The following ALPK2 variants were observed in gnomAD, a reference collection of about 807,000 sequenced individuals.
ALPK2 encodes the protein alpha-protein kinase 2.
Under a neutral mutation model 163.1 loss-of-function variants are expected in ALPK2, and 127 were observed. The observed-to-expected ratio is 0.78, with a 90% CI of 0.67 to 0.90. ALPK2 has a LOEUF of 0.90. ALPK2 is among the 40% of genes least tolerant of loss of function. The pLI is 0.00. For missense variants in ALPK2, 2,360 were observed against 2,589.6 expected, an observed-to-expected ratio of 0.91 and a Z score of 1.92; for synonymous variants, 953 against 959.1, an observed-to-expected ratio of 0.99 and a Z score of 0.12.
intron 4 of ALPK2, among the ~76,000 whole-genome samples, chr18:58,556,365 C>T (rs1054089103): frequency 5.9e-5 from 9 of 152,188 alleles, no homozygotes; most frequent in Non-Finnish European, 1.3e-4. Flanking sequence ...TTAACCTCAT[C>T]GATAGAGACA....
intron 2 of ALPK2, among the ~76,000 whole-genome samples, chr18:58,610,885 A>G (rs531795644): frequency 2.0e-5 from 3 of 152,170 alleles, no homozygotes; most frequent in Non-Finnish European, 4.4e-5. Flanking sequence ...ACCTGAGGTC[A>G]GGAGTTCAAG....
At chr18:58,499,840 G>GA (rs1000623901) in intron 11 of ALPK2, among the ~76,000 whole-genome samples, 8 of 152,208 alleles carry the variant, frequency 5.3e-5, no homozygotes, top group Non-Finnish European at 1.2e-4. Flanking sequence ...GCTGTGGAAA[G>GA]AAAAAAACTC....
In ALPK2 at chr18:58,517,005, G is replaced by C. The variant is rs752104140; in HGVS notation, c.5843C>G (p.Pro1948Arg). 9.9e-6 allele frequency: 16 copies of C among 1,614,122 alleles called. No homozygotes were observed. Among genetic ancestry groups the C allele is most frequent in the African/African-American group, 1.3e-5 (1 of 74,954 alleles). ...VMHGLMPVFK[P>R]GHACVLKVHN... ...CACCTTAAGCACACAGGCATGGCCA[G>C]GTTTGAAGACAGGCATGAGGCCGTG... The change falls in exon 9 of 13, where the codon CCT becomes CGT. Residue 1948 changes from proline (P) to arginine (R), a missense_variant. By Grantham distance (103) the Pro-to-Arg change is moderately radical (BLOSUM62 -2). Transcript: ENST00000361673.
intron 1 of ALPK2, among the ~76,000 whole-genome samples, chr18:58,627,281 TA>T (rs1030854287): frequency 6.6e-6 from 1 of 152,164 alleles, no homozygotes; most frequent in African/African-American, 2.4e-5. Flanking sequence ...CTGCCCTACC[TA>T]AAAGCTTCCC....
At chr18:58,621,872 T>A (rs1305977575) in intron 1 of ALPK2, among the ~76,000 whole-genome samples, 1 of 152,148 alleles carries the variant, frequency 6.6e-6, no homozygotes, top group Non-Finnish European at 1.5e-5. Context: ...GGGTGCACAA[T>A]TTGTCACACA....
chr18:58,488,259 T>C (rs1426821188), intron 12 of ALPK2, among the ~76,000 whole-genome samples: 1 of 146,508 alleles, frequency 6.8e-6, no homozygotes, highest in Non-Finnish European at 1.5e-5. Context: ...GGAGGCTGTT[T>C]CCACAGTCCT....
Position 58,536,087 on chromosome 18 carries a change from T to C in ALPK2, c.4100A>G (p.Glu1367Gly), listed in dbSNP as rs1469117925. Residue 1367 changes from glutamate (E) to glycine (G), a missense_variant, in exon 5 of 13, where the codon GAA becomes GGA. By Grantham distance (98) the Glu-to-Gly change is moderately conservative. Transcript: ENST00000361673. Reference sequence around the variant, plus strand: ...GTCTTGACTCACATTGTTAACATTTTCCTTCCCTCCAGTTTCAGAAGCCGC... The same window carrying C: ...GTCTTGACTCACATTGTTAACATTTCCCTTCCCTCCAGTTTCAGAAGCCGC... ...LSAASETGGKENVNNVSQDQE... is the reference protein window; with the variant it reads ...LSAASETGGKGNVNNVSQDQE... The C allele has an allele frequency of 3.7e-6, 6 of 1,614,082 alleles. No individual in the cohort carries two copies. The highest frequency in any genetic ancestry group is 1.7e-5 in the Admixed American group (1 of 60,012).
intron 4 of ALPK2, among the ~76,000 whole-genome samples, chr18:58,577,028 C>T (rs1416548419): frequency 2.0e-5 from 3 of 152,168 alleles, no homozygotes; most frequent in Non-Finnish European, 2.9e-5. Flanking sequence ...CAGCTGATAC[C>T]TGGTGGAGTG....
chr18:58,521,627 C>CTTTTTTTTT lies in ALPK2; in HGVS notation c.5665+2170_5665+2178dup, dbSNP rs398033036. 4.7e-3 allele frequency among the ~76,000 whole-genome samples: 259 copies of CTTTTTTTTT among 55,368 alleles called. 19 individuals are homozygous for CTTTTTTTTT. Among genetic ancestry groups the CTTTTTTTTT allele is most frequent in the African/African-American group, 0.011 (174 of 15,820 alleles). 36.3% of individuals were successfully genotyped at this position (55,368 alleles called of 152,430 possible). A position where few individuals can be genotyped will look rare whatever the true frequency, so the allele number is the denominator to read the frequency against. On this transcript the variant is annotated intron_variant, in intron 8 of 12. Transcript: ENST00000361673. Reference sequence around the variant, plus strand: ...TTTCTTTTTCTTTCTTTCTCTCTCTCTTTTTTTTTTTTTTTTTTTGAGATG... The same window carrying CTTTTTTTTT: ...TTTCTTTTTCTTTCTTTCTCTCTCTCTTTTTTTTTTTTTTTTTTTTTTTTTTTTGAGATG...
At position 58,546,492 on chromosome 18, in the gene ALPK2, G is replaced by C. The variant is rs999802250; in HGVS notation, c.1963-8268C>G. On this transcript the variant is annotated intron_variant, in intron 4 of 12. Coordinates refer to ENST00000361673, the MANE Select transcript of ALPK2 (RefSeq NM_052947.4). ...GTACATCTCAGGTGAGGTGAGCTAAGTAGTAACGCTACTATTAGTAGTAAT... is the reference window on the plus strand; with the variant it reads ...GTACATCTCAGGTGAGGTGAGCTAACTAGTAACGCTACTATTAGTAGTAAT... Among the ~76,000 whole-genome samples the C allele has an allele frequency of 2.6e-5, 4 of 152,182 alleles. 1 individual carries two copies. In the South Asian group the frequency reaches 8.3e-4, roughly 31 times the overall value.
At chr18:58,618,813 C>G (rs888665690) in intron 1 of ALPK2, among the ~76,000 whole-genome samples, 1 of 152,220 alleles carries the variant, frequency 6.6e-6, no homozygotes, top group African/African-American at 2.4e-5. Context: ...CCCCCTTCCC[C>G]TACCCTCAAT....
At chr18:58,592,269 T>A (rs116649002) in intron 3 of ALPK2, among the ~76,000 whole-genome samples, 42,622 of 151,858 alleles carry the variant, frequency 0.28, 6,599 homozygotes, top group East Asian at 0.59. Flanking sequence ...GGGATGAGAC[T>A]TTTGGGTATT....
rs1228477945 is a variant in ALPK2 at position 58,536,598 on chromosome 18, C to A, written c.3589G>T (p.Ala1197Ser). Residue 1197 changes from alanine to serine, a missense_variant, in exon 5 of 13, where the codon GCT (alanine) becomes TCT (serine). Physicochemically the swap from Ala to Ser is moderately conservative, Grantham distance 99 (BLOSUM62 1). Transcript: ENST00000361673. ...CTGTCTTCTTCCCCAGCAGTTTCAG[C>A]CACCACGGAGACCCTCGTCCCCCAA... is the stretch of plus-strand genomic sequence containing the variant. ...SGWGTRVSVV[A>S]ETAGEEDSQA... is the part of the protein sequence containing the mutation. 1.2e-6 allele frequency: 2 copies of A among 1,614,002 alleles called. No homozygotes were observed. Among genetic ancestry groups the A allele is most frequent in the Admixed American group, 3.3e-5 (2 of 60,012 alleles).
At chr18:58,498,156 G>T in intron 11 of ALPK2, 59 bp from the exon 12 acceptor site, 1 of 1,540,402 alleles carries the variant, frequency 6.5e-7, no homozygotes, top group Non-Finnish European at 9.0e-7. Context: ...TCAGGAAGTT[G>T]GGCCATCTAG....
At chr18:58,518,884 C>T (rs1405785019) in intron 8 of ALPK2, among the ~76,000 whole-genome samples, 1 of 152,192 alleles carries the variant, frequency 6.6e-6, no homozygotes, top group Non-Finnish European at 1.5e-5. Context: ...AGCTGGAATT[C>T]AAACCCCTTC....
chr18:58,532,915 A>G (rs1218287223), intron 5 of ALPK2, among the ~76,000 whole-genome samples: 1 of 152,158 alleles, frequency 6.6e-6, no homozygotes, highest in African/African-American at 2.4e-5. Flanking sequence ...TACCCTAACC[A>G]CCATGATACA....
At chr18:58,555,046 C>T (rs2051782790) in intron 4 of ALPK2, among the ~76,000 whole-genome samples, 1 of 152,152 alleles carries the variant, frequency 6.6e-6, no homozygotes, top group South Asian at 2.1e-4. Context: ...ACAGTGAGTC[C>T]ATTAAACCCA....
intron 10 of ALPK2, among the ~76,000 whole-genome samples, chr18:58,508,692 C>A (rs1199303984): frequency 2.0e-5 from 3 of 152,138 alleles, no homozygotes; most frequent in Non-Finnish European, 4.4e-5. Flanking sequence ...TAAAAAGGGG[C>A]AACCAGCAGC....
chr18:58,608,695 C>T (rs1375147099), intron 2 of ALPK2, among the ~76,000 whole-genome samples: 1 of 152,146 alleles, frequency 6.6e-6, no homozygotes, highest in Non-Finnish European at 1.5e-5. Flanking sequence ...CGCCTATAAT[C>T]CCAGCACTTT....
Sources: gnomAD v4.1 joint callset for allele counts (sites outside exome capture counted in the v4.1 genomes callset) on GRCh38, gnomAD v4.1.1 for gene constraint, MANE v1.5 for transcripts, NCBI Gene and HGNC (gene_info 2026-07-23, HGNC 2026-07-21) for gene names.